ENTPD5: variants seen among roughly 807,000 people sequenced by gnomAD.
ENTPD5 encodes ectonucleoside triphosphate diphosphohydrolase 5 (inactive).
Under a neutral mutation model 60.2 loss-of-function variants are expected in ENTPD5, and 49 were observed. That is an observed-to-expected ratio of 0.81 (90% confidence interval 0.65 to 1.03). The LOEUF (loss-of-function observed/expected upper bound fraction) is 1.03, where lower values mean the gene tolerates loss of function less well. Ranked by LOEUF, ENTPD5 falls within the 50% of genes least tolerant of loss-of-function variation. ENTPD5 has a pLI of 0.00. For missense variants in ENTPD5, 480 were observed against 507.6 expected, an observed-to-expected ratio of 0.95 and a Z score of 0.52; for synonymous variants, 187 against 185.4, an observed-to-expected ratio of 1.01 and a Z score of -0.07.
intron 3 of ENTPD5, among the ~76,000 whole-genome samples, chr14:73,991,948 G>A (rs1432917911): frequency 6.6e-6 from 1 of 151,480 alleles, no homozygotes; most frequent in Admixed American, 6.6e-5. Context: ...GCAGTGAGCT[G>A]AGATTGCACC....
At chr14:73,983,732 G>C (rs2140590481) in intron 5 of ENTPD5, among the ~76,000 whole-genome samples, 1 of 150,918 alleles carries the variant, frequency 6.6e-6, no homozygotes, top group African/African-American at 2.4e-5. Flanking sequence ...ACCCAGGCTG[G>C]AGTGCAGTGG....
At chr14:73,983,622 T>C (rs1291864901) in intron 5 of ENTPD5, among the ~76,000 whole-genome samples, 1 of 72,184 alleles carries the variant, frequency 1.4e-5, no homozygotes, top group African/African-American at 7.5e-5. Flanking sequence ...ACACTCCATC[T>C]CAAAAAAAAA....
chr14:73,958,499 T>C, downstream of ENTPD5: 1 of 1,369,684 alleles, frequency 7.3e-7, no homozygotes, highest in Non-Finnish European at 9.5e-7. Flanking sequence ...AAATAACAGA[T>C]AGCTGGGCCT....
At chr14:73,984,282 C>T (rs2057811011) in intron 5 of ENTPD5, among the ~76,000 whole-genome samples, 1 of 152,138 alleles carries the variant, frequency 6.6e-6, no homozygotes, top group Non-Finnish European at 1.5e-5. Context: ...GCTTGCTAGC[C>T]CTGTGGCCTA....
At chr14:74,017,260 G>A (rs1417187829) in intron 1 of ENTPD5, among the ~76,000 whole-genome samples, 1 of 151,836 alleles carries the variant, frequency 6.6e-6, no homozygotes, top group Non-Finnish European at 1.5e-5. Flanking sequence ...GGAGGCTGCG[G>A]TGGGCCGAGA....
chr14:73,959,361 G>T (rs766903343), downstream of ENTPD5: 49 of 1,614,036 alleles, frequency 3.0e-5, no homozygotes, highest in Non-Finnish European at 4.1e-5. Flanking sequence ...ATGCTTGAGA[G>T]TTTCCAAGTG....
intron 15 of ENTPD5, among the ~76,000 whole-genome samples, chr14:73,967,953 C>T (rs941619278): frequency 2.6e-5 from 4 of 151,686 alleles, no homozygotes; most frequent in Admixed American, 1.3e-4. Flanking sequence ...GGTGAAACCC[C>T]GTGTCTACTA....
At position 73,987,872 on chromosome 14, in the gene ENTPD5, C is replaced by A. The variant is rs1464474184; in HGVS notation, c.217+14G>T. ...GGATTTACAGACTCTACTAAGGGTC[C>A]CAGTTGCACTTACCTGGCATTTTCT... On this transcript the variant is annotated intron_variant, in intron 4 of 15. Transcript: ENST00000334696. 6.2e-7 allele frequency: 1 copy of A among 1,613,560 alleles called. No individual in the cohort carries two copies. The highest frequency in any genetic ancestry group is 8.5e-7 in the Non-Finnish European group (1 of 1,179,700).
Position 73,973,042 on chromosome 14 carries a change from A to C in ENTPD5, c.887-18T>G, listed in dbSNP as rs762666571. ...CACCTCCCCTGCCAGGCAAAGGTGC[A>C]CAGGGGTAAGGTGAGAACGACGCTG... On this transcript the variant is annotated intron_variant, in intron 12 of 15. Coordinates refer to ENST00000334696, the MANE Select transcript of ENTPD5 (RefSeq NM_001249.5). 1 of 1,613,818 alleles carries C rather than the reference A, an allele frequency of 6.2e-7. No individual in the cohort carries two copies. Among genetic ancestry groups the C allele is most frequent in the South Asian group, 1.1e-5 (1 of 91,030 alleles).
chr14:73,973,046 G>A (rs1168406450), intron 12 of ENTPD5, 22 bp from the exon 13 acceptor site: 1 of 1,613,528 alleles, frequency 6.2e-7, no homozygotes. Flanking sequence ...AGGTGCACAG[G>A]GGTAAGGTGA....
At chr14:73,998,467 G>A (rs1046429089) in intron 3 of ENTPD5, among the ~76,000 whole-genome samples, 4 of 152,000 alleles carry the variant, frequency 2.6e-5, no homozygotes, top group South Asian at 2.1e-4. Context: ...TGTAGTAACC[G>A]ACAGTGACAG....
In ENTPD5 at chr14:73,966,843, C is replaced by A. The variant is rs1215273083; in HGVS notation, c.*85G>T. ...ATCTCTAGGCTCAAGTCCAGGATGT[C>A]CCCAGACTAGTTCAGAAACTAAGTG... On this transcript the variant is annotated 3_prime_UTR_variant, in exon 16 of 16. Coordinates refer to ENST00000334696, the MANE Select transcript of ENTPD5 (RefSeq NM_001249.5). 3 of 1,022,686 alleles carry A rather than the reference C, an allele frequency of 2.9e-6. No individual in the cohort carries two copies. In the Admixed American group the frequency reaches 5.6e-5, roughly 19 times the overall value. 63.4% of individuals were successfully genotyped at this position (1,022,686 alleles called of 1,614,324 possible).
At position 74,006,525 on chromosome 14, in the gene ENTPD5, C is replaced by T. The variant is rs541219827; in HGVS notation, c.-71+4566G>A. ...GTCTCGATCTCCTGACCTCGTGATC[C>T]GCCCGCCTCGGCCTCCCAAAGTGCT... On this transcript the variant is annotated intron_variant, in intron 3 of 15. Coordinates refer to ENST00000334696, the MANE Select transcript of ENTPD5 (RefSeq NM_001249.5). Among the ~76,000 whole-genome samples, 21 of 151,924 alleles carry T rather than the reference C, an allele frequency of 1.4e-4. No individual in the cohort carries two copies. In the South Asian group the frequency reaches 1.5e-3, roughly 11 times the overall value.
intron 1 of ENTPD5, among the ~76,000 whole-genome samples, chr14:74,017,320 AAAAAAAAG>A (rs2059047279): frequency 1.0e-5 from 1 of 97,144 alleles, no homozygotes; most frequent in East Asian, 1.0e-3. Context: ...CTCCATCTCA[AAAAAAAAG>A]AAAAGAAAAA....
intron 3 of ENTPD5, among the ~76,000 whole-genome samples, chr14:74,010,717 C>G (rs1173804027): frequency 6.6e-6 from 1 of 152,160 alleles, no homozygotes; most frequent in Non-Finnish European, 1.5e-5. Context: ...GGACTGTTTG[C>G]CCTTCTGTCA....
Position 73,985,275 on chromosome 14 carries a change from T to C in ENTPD5, c.297+1539A>G, listed in dbSNP as rs111499359. ...TATACCGAGTAATGGGATGGCTGGG[T>C]CAAATGGTATTTCTATTCCTAGATC... On this transcript the variant is annotated intron_variant, in intron 5 of 15. Transcript: ENST00000334696. Among the ~76,000 whole-genome samples the C allele has an allele frequency of 2.6e-5, 4 of 152,320 alleles. 1 individual carries two copies. The highest frequency in any genetic ancestry group is 9.6e-5 in the African/African-American group (4 of 41,562).
rs1456712032 is a variant in ENTPD5 at position 73,965,960 on chromosome 14, G to C, written c.*968C>G. On this transcript the variant is annotated 3_prime_UTR_variant, in exon 16 of 16. Coordinates refer to ENST00000334696, the MANE Select transcript of ENTPD5 (RefSeq NM_001249.5). ...AAGGATATTAGCTAAAGTGATCAGG[G>C]ACCAGGACAGGAAGGTACTGTTACA... 6.6e-6 allele frequency: 1 copy of C among 152,158 alleles called. No individual in the cohort carries two copies. The highest frequency in any genetic ancestry group is 1.5e-5 in the Non-Finnish European group (1 of 68,054). 9.4% of individuals were successfully genotyped at this position (152,158 alleles called of 1,614,324 possible). A position where few individuals can be genotyped will look rare whatever the true frequency, so the allele number is the denominator to read the frequency against.
intron 15 of ENTPD5, among the ~76,000 whole-genome samples, chr14:73,969,661 G>GCA (rs1443891150): frequency 6.6e-6 from 1 of 151,960 alleles, no homozygotes; most frequent in African/African-American, 2.4e-5. Flanking sequence ...CTGAGATCAT[G>GCA]CCATTGCACT....
intron 3 of ENTPD5, among the ~76,000 whole-genome samples, chr14:74,002,948 C>T (rs150376483): frequency 3.2e-4 from 49 of 152,326 alleles, no homozygotes; most frequent in African/African-American, 1.1e-3. Flanking sequence ...TGCGCTTATT[C>T]ACTCATGCCC....
Sources: allele counts gnomAD v4.1 joint callset (sites outside exome capture counted in the v4.1 genomes callset), GRCh38; gene constraint gnomAD v4.1.1; transcripts MANE v1.5; gene names NCBI Gene and HGNC (gene_info 2026-07-23, HGNC 2026-07-21).